SLC9A3: variants seen among roughly 807,000 people sequenced by gnomAD.
SLC9A3 encodes the protein solute carrier family 9 member A3, also known as sodium/hydrogen exchanger 3.
Under a neutral mutation model 86.8 loss-of-function variants are expected in SLC9A3, and 37 were observed. The observed-to-expected ratio is 0.43, with a 90% CI of 0.33 to 0.56. The LOEUF is 0.56. SLC9A3 is among the 20% of genes least tolerant of loss of function. SLC9A3 has a pLI of 0.06. For synonymous variants in SLC9A3, 581 were observed against 528.3 expected, an observed-to-expected ratio of 1.10 and a Z score of -1.37; for missense variants, 1,011 against 1,171.9, an observed-to-expected ratio of 0.86 and a Z score of 2.00.
chr5:508,059 C>T (rs1479521333), intron 1 of SLC9A3, among the ~76,000 whole-genome samples: 1 of 152,234 alleles, frequency 6.6e-6, no homozygotes, highest in Non-Finnish European at 1.5e-5. Flanking sequence ...AGTTCCCATT[C>T]GGCTTCTTGG....
In SLC9A3 at chr5:497,015, A is replaced by G. The variant is rs1167859374; in HGVS notation, c.212-4944T>C. On this transcript the variant is annotated intron_variant, in intron 1 of 16. Transcript: ENST00000264938. The surrounding 1 kb of genome is among the most constrained non-coding windows in gnomAD (Gnocchi z 5.4). ...GGCTGCAGTGAGCCAAGATCACACCACTACATTCCAGCCTGGGCGACGGAG... is the reference window on the plus strand; with the variant it reads ...GGCTGCAGTGAGCCAAGATCACACCGCTACATTCCAGCCTGGGCGACGGAG... Among the ~76,000 whole-genome samples the G allele has an allele frequency of 1.3e-5, 2 of 152,282 alleles. No individual in the cohort carries two copies. The highest frequency in any genetic ancestry group is 3.9e-4 in the East Asian group (2 of 5,192).
At chr5:508,337 C>G (rs1740710702) in intron 1 of SLC9A3, among the ~76,000 whole-genome samples, 1 of 141,908 alleles carries the variant, frequency 7.0e-6, no homozygotes, top group African/African-American at 2.7e-5. Flanking sequence ...GATAGAGATG[C>G]CGCAGGGAGA....
intron 1 of SLC9A3, among the ~76,000 whole-genome samples, chr5:492,355 T>G (rs547491248): frequency 1.6e-4 from 9 of 55,052 alleles, no homozygotes; most frequent in South Asian, 8.6e-4. Flanking sequence ...GGGGAGCCCA[T>G]GGGGGAGGGG....
intron 1 of SLC9A3, among the ~76,000 whole-genome samples, chr5:518,639 G>C (rs1005650138): frequency 1.2e-3 from 189 of 152,324 alleles, no homozygotes; most frequent in Non-Finnish European, 2.3e-3. Context: ...CTCTAAACAT[G>C]CCCCAGTGCA....
chr5:523,623 G>C (rs1367882831), intron 1 of SLC9A3, among the ~76,000 whole-genome samples: 5 of 148,804 alleles, frequency 3.4e-5, no homozygotes, highest in African/African-American at 4.9e-5. Flanking sequence ...AAAAAAAAAA[G>C]GAGGCCCGCC....
At chr5:486,372 A>G (rs938446455) in intron 3 of SLC9A3, among the ~76,000 whole-genome samples, 4 of 152,166 alleles carry the variant, frequency 2.6e-5, no homozygotes, top group African/African-American at 9.7e-5. Context: ...CACTTCCGGG[A>G]GGCAGTGGCC....
At chr5:499,000 AC>A (rs1740152060) in intron 1 of SLC9A3, among the ~76,000 whole-genome samples, 1 of 152,072 alleles carries the variant, frequency 6.6e-6, no homozygotes, top group Admixed American at 6.5e-5. Context: ...CTCCTTGGTG[AC>A]CCTGCATCTC....
intron 9 of SLC9A3, 69 bp from the exon 10 acceptor site, chr5:480,034 C>T (rs960422263): frequency 2.4e-5 from 37 of 1,549,954 alleles, no homozygotes; most frequent in Middle Eastern, 1.7e-4. Context: ...ACGCGTGGCC[C>T]GGCCCCTTCT....
chr5:509,655 G>A (rs1343025436), intron 1 of SLC9A3, among the ~76,000 whole-genome samples: 5 of 152,156 alleles, frequency 3.3e-5, no homozygotes, highest in African/African-American at 1.2e-4. Flanking sequence ...CCAAGCTTGC[G>A]GTTCCAGACT....
chr5:492,654 G>A (rs1008132536), intron 1 of SLC9A3, among the ~76,000 whole-genome samples: 24 of 148,246 alleles, frequency 1.6e-4, no homozygotes, highest in African/African-American at 5.7e-4. Context: ...TGGATGGACG[G>A]TGGTCGGGGG....
In SLC9A3 at chr5:472,474, G is replaced by A; in HGVS notation, c.*905C>T. ...CGCCCGCCAGGCCACCTCTCACCCA[G>A]CCAGGGCACCCCGGGCGACCTCCGC... On this transcript the variant is annotated 3_prime_UTR_variant, in exon 17 of 17. Transcript: ENST00000264938. 1 of 335,754 alleles carries A rather than the reference G, an allele frequency of 3.0e-6. No individual in the cohort carries two copies. Among genetic ancestry groups the A allele is most frequent in the Non-Finnish European group, 5.9e-6 (1 of 170,884 alleles). 20.8% of individuals were successfully genotyped at this position (335,754 alleles called of 1,614,324 possible). A position where few individuals can be genotyped will look rare whatever the true frequency, so the allele number is the denominator to read the frequency against.
rs1302333672 is a variant in SLC9A3, at chr5:496,013, ACT to A, written c.212-3944_212-3943del. 6.6e-6 allele frequency among the ~76,000 whole-genome samples: 1 copy of A among 152,250 alleles called. No individual in the cohort carries two copies. The highest frequency in any genetic ancestry group is 1.5e-5 in the Non-Finnish European group (1 of 68,050). ...ACTGTAAAAGCCTGTTAACTGGGACACTGGTGGGTGAGGGACAGGCTGGCTTC... is the reference window on the plus strand; with the variant it reads ...ACTGTAAAAGCCTGTTAACTGGGACAGGTGGGTGAGGGACAGGCTGGCTTC... On this transcript the variant is annotated intron_variant, in intron 1 of 16. Coordinates refer to ENST00000264938, the MANE Select transcript of SLC9A3 (RefSeq NM_004174.4). This position sits in a 1 kb window ranked among gnomAD's most constrained non-coding sequence, Gnocchi z 4.7.
rs1436618465 is a variant in SLC9A3, at chr5:497,752, CCT to C, written c.212-5683_212-5682del. On this transcript the variant is annotated intron_variant, in intron 1 of 16. Coordinates refer to ENST00000264938, the MANE Select transcript of SLC9A3 (RefSeq NM_004174.4). This position sits in a 1 kb window ranked among gnomAD's most constrained non-coding sequence, Gnocchi z 5.4. ...CCCGGCCGCATCCCCAGCCTCTGCC[CCT>C]GTCCCGGGTGGGGTCGCCCGGCCGC... Among the ~76,000 whole-genome samples, 2 of 111,174 alleles carry C rather than the reference CCT, an allele frequency of 1.8e-5. No individual in the cohort carries two copies. Among genetic ancestry groups the C allele is most frequent in the Non-Finnish European group, 3.7e-5 (2 of 53,792 alleles). 72.9% of individuals were successfully genotyped at this position (111,174 alleles called of 152,430 possible).
chr5:513,835 C>A (rs1009409856), intron 1 of SLC9A3, among the ~76,000 whole-genome samples: 1 of 152,230 alleles, frequency 6.6e-6, no homozygotes, highest in Non-Finnish European at 1.5e-5. Flanking sequence ...CCTTGTGTTG[C>A]GGATTTAGGT....
intron 3 of SLC9A3, among the ~76,000 whole-genome samples, chr5:486,867 G>T (rs1465274089): frequency 4.7e-5 from 6 of 127,828 alleles, no homozygotes; most frequent in Admixed American, 1.7e-4. Flanking sequence ...CCGTGATCCA[G>T]ACCGCACTGA....
chr5:518,872 C>G (rs994722161), intron 1 of SLC9A3, among the ~76,000 whole-genome samples: 4 of 152,132 alleles, frequency 2.6e-5, no homozygotes, highest in Non-Finnish European at 4.4e-5. Context: ...AGTGACTCAC[C>G]ATCCCTGTCT....
intron 1 of SLC9A3, among the ~76,000 whole-genome samples, chr5:510,867 G>A (rs1579821263): frequency 1.3e-5 from 2 of 152,324 alleles, no homozygotes; most frequent in South Asian, 2.1e-4. Context: ...GCACTGCTGT[G>A]CTCCAAGACC....
chr5:488,547 C>T (rs1739575181), intron 2 of SLC9A3, 71 bp from the exon 3 acceptor site: 1 of 1,417,708 alleles, frequency 7.1e-7, no homozygotes, highest in Admixed American at 2.8e-5. Context: ...TGGGGAGGCG[C>T]TCGCCTACGG....
chr5:486,413 C>A (rs943340901), intron 3 of SLC9A3, among the ~76,000 whole-genome samples: 2 of 152,196 alleles, frequency 1.3e-5, no homozygotes, highest in South Asian at 2.1e-4. Flanking sequence ...TGAAACGTCA[C>A]GATTGTCACT....
Sources: gnomAD v4.1 joint callset for allele counts (sites outside exome capture counted in the v4.1 genomes callset) on GRCh38, gnomAD v4.1.1 for gene constraint, Gnocchi (gnomAD v3.1) non-coding constraint, MANE v1.5 for transcripts, NCBI Gene and HGNC (gene_info 2026-07-23, HGNC 2026-07-21) for gene names.